Variants in SFTPC observed in about 807,000 individuals in gnomAD.
SFTPC encodes BRICHOS domain containing 6.
A neutral mutation model predicts 19.9 loss-of-function variants in SFTPC; 12 were observed. The ratio of observed to expected loss-of-function variants is 0.60; its 90% confidence interval spans 0.39 to 0.98. The LOEUF is 0.98. Ranked by LOEUF, SFTPC falls within the 50% of genes least tolerant of loss-of-function variation. The pLI is 0.00. For missense variants in SFTPC, 219 were observed against 252.2 expected (o/e 0.87, Z 0.89); for synonymous variants, 123 against 103.3 (o/e 1.19, Z -1.16).
chr8:22,159,480 C>G (rs1036206008), upstream of SFTPC: 1 of 336,052 alleles, frequency 3.0e-6, no homozygotes, highest in Non-Finnish European at 5.8e-6. Context: ...CCAAGGAACC[C>G]AAGACCTTCA....
At chr8:22,158,672 G>A (rs1827596587), upstream of SFTPC, 2 of 152,256 alleles carry the variant, frequency 1.3e-5, no homozygotes, top group African/African-American at 4.8e-5. Flanking sequence ...CCTCATAATA[G>A]CATAGTGAGG....
In SFTPC at chr8:22,163,909, C is replaced by T. The variant is rs1389151543; in HGVS notation, c.444C>T (p.Pro148=). 2 of 1,613,466 alleles carry T rather than the reference C, an allele frequency of 1.2e-6. No individual in the cohort carries two copies. Among genetic ancestry groups the T allele is most frequent in the African/African-American group, 1.3e-5 (1 of 74,946 alleles). ...TRKVHNFQAK[P]AVPTSKLGQA... is the part of the protein sequence containing the mutation. ...TGGAATGCTCTCTGCAGGCCAAGCCCGCAGTGCCTACGTCTAAGCTGGGCC... is the reference window on the plus strand; with the variant it reads ...TGGAATGCTCTCTGCAGGCCAAGCCTGCAGTGCCTACGTCTAAGCTGGGCC... The change falls in exon 5 of 6, where the codon CCC becomes CCT. Residue 148 remains proline (P), a synonymous_variant. Transcript: ENST00000679463.
Position 22,163,503 on chromosome 8 carries a change from T to G in SFTPC, c.392T>G (p.Ile131Ser), listed in dbSNP as rs1401760621. 1 of 1,613,942 alleles carries G rather than the reference T, an allele frequency of 6.2e-7. No individual in the cohort carries two copies. The highest frequency in any genetic ancestry group is 1.1e-5 in the South Asian group (1 of 91,080). ...CYIMKIAPES[I>S]PSLEALTRKV... ...ATCATGAAGATAGCTCCAGAGAGCA[T>G]CCCCAGTCTTGAGGCTCTCACTAGA... The change falls in exon 4 of 6, where the codon ATC (isoleucine) becomes AGC (serine). Residue 131 changes from isoleucine to serine, a missense_variant. Physicochemically the swap from Ile to Ser is moderately radical, Grantham distance 142. Transcript: ENST00000679463.
In SFTPC at chr8:22,162,833, G is replaced by C. The variant is rs979150179; in HGVS notation, c.201+101G>C. On this transcript the variant is annotated intron_variant, in intron 2 of 5. Coordinates refer to ENST00000679463, the MANE Select transcript of SFTPC (RefSeq NM_001317778.2). The stretch of plus-strand genomic sequence containing the variant: ...AACTGTCCAAGGGGAGTGGAGGGGA[G>C]GAGGCAAGGGGCACAGCTAGAAGGA... The C allele has an allele frequency of 2.0e-6, 3 of 1,482,186 alleles. No individual in the cohort carries two copies. The African/African-American group carries it at 4.1e-5, about 20-fold the overall frequency. 91.8% of individuals were successfully genotyped at this position (1,482,186 alleles called of 1,614,324 possible).
chr8:22,157,531 C>T (rs554628938), upstream of SFTPC: 118 of 152,880 alleles, frequency 7.7e-4, no homozygotes, highest in Non-Finnish European at 1.1e-3. Context: ...TGAGGCCTGT[C>T]GCACCAGAAG....
chr8:22,164,440 C>A lies in SFTPC; in HGVS notation c.*193C>A, dbSNP rs886062816. On this transcript the variant is annotated 3_prime_UTR_variant, in exon 6 of 6. Coordinates refer to ENST00000679463, the MANE Select transcript of SFTPC (RefSeq NM_001317778.2). ...GGTGGCGCCCAGGGGCCCGGGAACT[C>A]CTGCCACAACAGAATAAAGCAGCCT... is the stretch of plus-strand genomic sequence containing the variant. The A allele has an allele frequency of 9.2e-5, 137 of 1,484,132 alleles. No individual in the cohort carries two copies. The highest frequency in any genetic ancestry group is 7.5e-4 in the Middle Eastern group (4 of 5,312). The allele number at this position is 1,484,132 out of a possible 1,614,324, so 91.9% of individuals were successfully genotyped here.
At chr8:22,158,188 C>G (rs1338504879), upstream of SFTPC, among the ~76,000 whole-genome samples, 1 of 152,232 alleles carries the variant, frequency 6.6e-6, no homozygotes, top group Non-Finnish European at 1.5e-5. Flanking sequence ...AGATGCTTCC[C>G]CAGCTGTCCC....
chr8:22,160,977 C>T (rs903958439), upstream of SFTPC, among the ~76,000 whole-genome samples: 2 of 151,980 alleles, frequency 1.3e-5, no homozygotes, highest in Admixed American at 6.6e-5. Flanking sequence ...TGAGCTGATT[C>T]GAGGATGGGG....
chr8:22,163,322 C>T, intron 3 of SFTPC, 114 bp from the exon 4 acceptor site: 1 of 1,534,238 alleles, frequency 6.5e-7, no homozygotes, highest in Non-Finnish European at 9.0e-7. Context: ...TTTGCCTGAG[C>T]CCCAGATTCT....
At chr8:22,163,762 G>A (rs538564801) in intron 4 of SFTPC, 139 bp from the exon 5 acceptor site, 5 of 916,300 alleles carry the variant, frequency 5.5e-6, no homozygotes, top group Non-Finnish European at 8.8e-6. Flanking sequence ...GGTGGCTTCT[G>A]ACTCTAGCAC....
intron 1 of SFTPC, 59 bp from the exon 2 acceptor site, chr8:22,162,515 A>T: frequency 6.3e-7 from 1 of 1,588,628 alleles, no homozygotes. Flanking sequence ...TTGTATAGGG[A>T]GAAGAGGGGA....
Position 22,163,187 on chromosome 8 carries a change from G to A in SFTPC, c.309G>A (p.Val103=). Residue 103 remains valine (V), a synonymous_variant, in exon 3 of 6, where the codon GTG becomes GTA. Transcript: ENST00000679463. ...TFSIGSTGLV[V]YDYQQLLIAY... ...CCATCGGCTCCACTGGCCTCGTGGTGTATGACTACCAGCAGGTGGGTATGC... is the reference window on the plus strand; with the variant it reads ...CCATCGGCTCCACTGGCCTCGTGGTATATGACTACCAGCAGGTGGGTATGC... The A allele has an allele frequency of 6.2e-7, 1 of 1,614,196 alleles. No individual in the cohort carries two copies. The highest frequency in any genetic ancestry group is 1.6e-4 in the Middle Eastern group (1 of 6,062).
chr8:22,159,672 C>A, upstream of SFTPC: 1 of 758,386 alleles, frequency 1.3e-6, no homozygotes, highest in Non-Finnish European at 2.0e-6. Flanking sequence ...GAGGCTTTTT[C>A]AAAGAAAGAG....
chr8:22,164,203 A>C (rs1827934836), intron 5 of SFTPC, 63 bp from the exon 6 acceptor site: 2 of 1,529,298 alleles, frequency 1.3e-6, no homozygotes, highest in Non-Finnish European at 1.7e-6. Context: ...GGAAGCTCAC[A>C]GACCGGTACT....
At chr8:22,160,955 C>T (rs184078994), upstream of SFTPC, among the ~76,000 whole-genome samples, 8 of 152,126 alleles carry the variant, frequency 5.3e-5, no homozygotes, top group Non-Finnish European at 1.0e-4. Flanking sequence ...AGAGTGTAGA[C>T]CACAGGGTGA....
Position 22,162,731 on chromosome 8 carries a change from T to C in SFTPC, c.200T>C (p.Met67Thr). The C allele has an allele frequency of 1.2e-6, 2 of 1,613,708 alleles. No homozygotes were observed. Among genetic ancestry groups the C allele is most frequent in the African/African-American group, 1.3e-5 (1 of 74,892 alleles). ...GLHMSQKHTE[M>T]VLEMSIGAPE... ...CACATGAGCCAGAAACACACGGAGA[T>C]GGTGAGAGGTGTGGGATGCACAGCA... Residue 67 changes from methionine to threonine, a missense_variant and splice_region_variant, in exon 2 of 6, where the codon ATG becomes ACG. Transcript: ENST00000679463.
intron 1 of SFTPC, 128 bp downstream of exon 1, chr8:22,161,998 A>T: frequency 1.0e-6 from 1 of 980,454 alleles, no homozygotes. Flanking sequence ...TAGGACTGTG[A>T]TAAGTCAGGA....
chr8:22,159,346 G>A (rs1827623337), upstream of SFTPC: 1 of 191,960 alleles, frequency 5.2e-6, no homozygotes. Context: ...GATTGGAGGT[G>A]GGCTTTCACA....
At position 22,164,225 on chromosome 8, in the gene SFTPC, T is replaced by C. The variant is rs1827936284; in HGVS notation, c.*19-41T>C. The C allele has an allele frequency of 2.0e-6, 3 of 1,510,264 alleles. No individual in the cohort carries two copies. The African/African-American group carries it at 4.6e-5, about 23-fold the overall frequency. The allele number at this position is 1,510,264 out of a possible 1,614,324, so 93.6% of individuals were successfully genotyped here. On this transcript the variant is annotated intron_variant, in intron 5 of 5. Transcript: ENST00000679463. ...CACAGACCGGTACTTCCCACTCCCCTGATTCTCTCTGTCCATCCTCAACAT... is the reference window on the plus strand; with the variant it reads ...CACAGACCGGTACTTCCCACTCCCCCGATTCTCTCTGTCCATCCTCAACAT...
Sources: allele counts gnomAD v4.1 joint callset (sites outside exome capture counted in the v4.1 genomes callset), GRCh38; gene constraint gnomAD v4.1.1; transcripts MANE v1.5; gene names NCBI Gene and HGNC (gene_info 2026-07-23, HGNC 2026-07-21).